The following DLG2 variants were observed in gnomAD, a reference collection of about 807,000 sequenced individuals.
DLG2 encodes discs large MAGUK scaffold protein 2, also known as disks large homolog 2.
A neutral mutation model predicts 132.5 loss-of-function variants in DLG2; 45 were observed. The observed-to-expected ratio is 0.34, with a 90% CI of 0.27 to 0.44. The LOEUF is 0.44. Ranked by LOEUF, DLG2 falls within the 20% of genes least tolerant of loss-of-function variation. The pLI is 1.00. For synonymous variants in DLG2, 424 were observed against 419.6 expected (o/e 1.01, Z -0.13); for missense variants, 1,045 against 1,196.9 (o/e 0.87, Z 1.87).
chr11:85,091,895 T>G (rs2068841576), intron 6 of DLG2, among the ~76,000 whole-genome samples: 1 of 152,282 alleles, frequency 6.6e-6, no homozygotes, highest in South Asian at 2.1e-4. Flanking sequence ...CTTCCAAACT[T>G]CTGTTAATGT....
At chr11:85,162,566 G>C (rs1257213290) in intron 4 of DLG2, among the ~76,000 whole-genome samples, 1 of 152,154 alleles carries the variant, frequency 6.6e-6, no homozygotes. Flanking sequence ...ATATACGCTT[G>C]TATTAAGAAA....
rs115828550 is a variant in DLG2, at chr11:85,270,723, T to C, written c.186+14497A>G. 3.7e-3 allele frequency among the ~76,000 whole-genome samples: 557 copies of C among 152,254 alleles called. 3 individuals carry two copies. Among genetic ancestry groups the C allele is most frequent in the African/African-American group, 0.013 (534 of 41,550 alleles). ...AACTTGTTGGGAACTGGAGTGAAGG[T>C]GACTCTTGTTATGGTTTAGCAAAGA... On this transcript the variant is annotated intron_variant, in intron 4 of 27. Coordinates refer to ENST00000376104, the MANE Select transcript of DLG2 (RefSeq NM_001142699.3).
chr11:83,667,185 A>C (rs557867391), intron 18 of DLG2, among the ~76,000 whole-genome samples: 26 of 152,314 alleles, frequency 1.7e-4, no homozygotes, highest in African/African-American at 6.3e-4. Context: ...TTCTGTCTAC[A>C]ATGAAGTTTA....
chr11:84,034,556 A>G (rs189187868), intron 11 of DLG2, among the ~76,000 whole-genome samples: 6 of 152,312 alleles, frequency 3.9e-5, no homozygotes, highest in African/African-American at 7.2e-5. Context: ...TGAATCCTTT[A>G]CAGCTTAAAA....
chr11:84,901,090 T>C (rs1213021059), intron 6 of DLG2, among the ~76,000 whole-genome samples: 1 of 152,034 alleles, frequency 6.6e-6, no homozygotes, highest in Non-Finnish European at 1.5e-5. Flanking sequence ...AAGCAATTAA[T>C]AGACATTTAA....
intron 19 of DLG2, among the ~76,000 whole-genome samples, chr11:83,585,978 G>A (rs114362749): frequency 0.022 from 3,346 of 152,274 alleles, 126 homozygotes; most frequent in African/African-American, 0.075. Context: ...AGAAACTAGG[G>A]CAAATAAAAG....
intron 6 of DLG2, among the ~76,000 whole-genome samples, chr11:84,836,813 A>C (rs527416337): frequency 5.3e-5 from 8 of 151,994 alleles, no homozygotes; most frequent in African/African-American, 1.9e-4. Flanking sequence ...AGTGTACCAT[A>C]AACAGGGCTC....
chr11:85,024,008 C>T lies in DLG2; in HGVS notation c.357+87653G>A, dbSNP rs546738966. ...CTGTTTTCATTAAATTAAGATAATCCGAGAATTTGTCAAATCGTGAGGTGA... is the reference window on the plus strand; with the variant it reads ...CTGTTTTCATTAAATTAAGATAATCTGAGAATTTGTCAAATCGTGAGGTGA... On this transcript the variant is annotated intron_variant, in intron 6 of 27. Transcript: ENST00000376104. Among the ~76,000 whole-genome samples the T allele has an allele frequency of 1.1e-4, 16 of 152,072 alleles. No homozygotes were observed. The South Asian group carries it at 2.9e-3, about 28-fold the overall frequency.
At chr11:85,275,503 C>T (rs908373863) in intron 4 of DLG2, among the ~76,000 whole-genome samples, 3 of 152,006 alleles carry the variant, frequency 2.0e-5, no homozygotes, top group Admixed American at 6.6e-5. Context: ...TATATGTGAA[C>T]ATTTCATAAA....
At chr11:85,323,536 A>C (rs931396746) in intron 3 of DLG2, among the ~76,000 whole-genome samples, 1 of 152,194 alleles carries the variant, frequency 6.6e-6, no homozygotes, top group Non-Finnish European at 1.5e-5. Context: ...GCTATTTTGA[A>C]ATATACAATA....
At chr11:84,723,742 G>T (rs1170909155) in intron 6 of DLG2, among the ~76,000 whole-genome samples, 3 of 152,100 alleles carry the variant, frequency 2.0e-5, no homozygotes, top group Admixed American at 1.3e-4. Flanking sequence ...GCAAGGAGAT[G>T]ACGCATTCAT....
At chr11:84,610,555 A>G (rs1218505022) in intron 6 of DLG2, among the ~76,000 whole-genome samples, 2 of 152,098 alleles carry the variant, frequency 1.3e-5, no homozygotes, top group Admixed American at 1.3e-4. Context: ...CTACTCCACT[A>G]CTGATGAATA....
At chr11:84,711,383 C>CGAGAGAGA (rs1565737230) in intron 6 of DLG2, among the ~76,000 whole-genome samples, 32 of 26,230 alleles carry the variant, frequency 1.2e-3, no homozygotes, top group African/African-American at 3.7e-3. Flanking sequence ...AGAGAGAGAT[C>CGAGAGAGA]GATCGATCTA....
intron 6 of DLG2, among the ~76,000 whole-genome samples, chr11:85,092,242 A>G (rs1219746970): frequency 6.6e-6 from 1 of 152,142 alleles, no homozygotes; most frequent in Non-Finnish European, 1.5e-5. Flanking sequence ...GCAGATTACA[A>G]AAGTGGGCTT....
intron 18 of DLG2, chr11:83,682,358 G>A: frequency 1.0e-6 from 1 of 985,334 alleles, no homozygotes; most frequent in Non-Finnish European, 1.2e-6. Flanking sequence ...TACATCACAG[G>A]GGGTGACCAT....
At position 85,269,219 on chromosome 11, in the gene DLG2, A is replaced by C. The variant is rs147340754; in HGVS notation, c.186+16001T>G. 8.9e-3 allele frequency among the ~76,000 whole-genome samples: 1,361 copies of C among 152,268 alleles called. 63 individuals are homozygous for C. Among genetic ancestry groups the C allele is most frequent in the Non-Finnish European group, 1.7e-3 (113 of 68,024 alleles). On this transcript the variant is annotated intron_variant, in intron 4 of 27. Coordinates refer to ENST00000376104, the MANE Select transcript of DLG2 (RefSeq NM_001142699.3). ...TTCTCCCTTGTAGAATGCAGATTGG[A>C]TCTACCTCATCTACTTCCTCTGCTT...
chr11:83,557,787 T>C (rs2096544869), intron 19 of DLG2, among the ~76,000 whole-genome samples: 1 of 151,962 alleles, frequency 6.6e-6, no homozygotes, highest in Admixed American at 6.6e-5. Context: ...TCTGGGGTGG[T>C]GGGGAGGAGG....
intron 6 of DLG2, among the ~76,000 whole-genome samples, chr11:84,935,122 C>T (rs902770461): frequency 6.6e-6 from 1 of 152,174 alleles, no homozygotes; most frequent in African/African-American, 2.4e-5. Flanking sequence ...TTCCAACAGT[C>T]AGTAAATTAT....
intron 17 of DLG2, among the ~76,000 whole-genome samples, chr11:83,794,437 G>GTTTTTTTTTTTTTTTTTTTTTTTTT (rs200672667): frequency 1.6e-5 from 2 of 127,498 alleles, no homozygotes; most frequent in Non-Finnish European, 1.7e-5. Flanking sequence ...TTTACTATTG[G>GTTTTTTTTTTTTTTTTTTTTTTTTT]TTTTTTTTTT....
Sources: gnomAD v4.1 joint callset for allele counts (sites outside exome capture counted in the v4.1 genomes callset) on GRCh38, gnomAD v4.1.1 for gene constraint, MANE v1.5 for transcripts, NCBI Gene and HGNC (gene_info 2026-07-23, HGNC 2026-07-21) for gene names.